KSR2: variants seen among roughly 807,000 people sequenced by gnomAD.
KSR2 encodes the protein kinase suppressor of ras 2.
Under a neutral mutation model 107.8 loss-of-function variants are expected in KSR2, and 25 were observed. That is an observed-to-expected ratio of 0.23 (90% CI 0.17 to 0.32). The LOEUF is 0.32. KSR2 is among the 10% of genes least tolerant of loss of function. The probability of loss-of-function intolerance (pLI) is 1.00; values close to 1 mark genes in which losing one functional copy is unlikely to be tolerated. For synonymous variants in KSR2, 480 were observed against 507.0 expected (o/e 0.95, Z 0.71); for missense variants, 887 against 1,268.9 (o/e 0.70, Z 4.57).
chr12:117,877,046 A>C lies in KSR2; in HGVS notation c.181-16615T>G, dbSNP rs571074436. Among the ~76,000 whole-genome samples the C allele has an allele frequency of 7.9e-5, 12 of 152,250 alleles. No individual in the cohort carries two copies. In the South Asian group the frequency reaches 2.5e-3, roughly 32 times the overall value. ...GTTTGTGTTAAGTTTTTATGTGTGG[A>C]ATTTTCCACTTGTGATGTCATGCCA... On this transcript the variant is annotated intron_variant, in intron 1 of 19. Coordinates refer to ENST00000339824, the MANE Select transcript of KSR2 (RefSeq NM_173598.6).
At chr12:117,893,017 A>ATTTT (rs1158068448) in intron 1 of KSR2, among the ~76,000 whole-genome samples, 1 of 136,840 alleles carries the variant, frequency 7.3e-6, no homozygotes, top group Non-Finnish European at 1.6e-5. Context: ...ACCCTGTGTA[A>ATTTT]TTTTTTTTTT....
intron 14 of KSR2, among the ~76,000 whole-genome samples, chr12:117,509,343 T>C (rs1021632460): frequency 6.6e-6 from 1 of 151,974 alleles, no homozygotes; most frequent in African/African-American, 2.4e-5. Context: ...AACAGCACCG[T>C]GTTTTCCCCT....
chr12:117,500,004 C>G (rs1282860784), intron 14 of KSR2, among the ~76,000 whole-genome samples: 1 of 152,080 alleles, frequency 6.6e-6, no homozygotes, highest in Non-Finnish European at 1.5e-5. Flanking sequence ...AACCCTGGAT[C>G]TGTTGGTCAG....
At chr12:117,856,894 A>C (rs929340229) in intron 2 of KSR2, among the ~76,000 whole-genome samples, 3 of 152,190 alleles carry the variant, frequency 2.0e-5, no homozygotes, top group Non-Finnish European at 2.9e-5. Context: ...AGTACAAAAA[A>C]TTATCTTCAA....
chr12:117,805,540 C>T (rs1474074106), intron 3 of KSR2, among the ~76,000 whole-genome samples: 3 of 152,222 alleles, frequency 2.0e-5, no homozygotes, highest in Non-Finnish European at 4.4e-5. Flanking sequence ...TCAAAAGAGC[C>T]TGGTACCCAA....
At chr12:117,908,302 T>C (rs1169783682) in intron 1 of KSR2, among the ~76,000 whole-genome samples, 1 of 152,064 alleles carries the variant, frequency 6.6e-6, no homozygotes, top group Non-Finnish European at 1.5e-5. Context: ...CGAGTTTGGC[T>C]TTCTTCTGGA....
chr12:117,663,252 A>G (rs1355589336), intron 5 of KSR2, among the ~76,000 whole-genome samples: 3 of 152,212 alleles, frequency 2.0e-5, no homozygotes, highest in Non-Finnish European at 4.4e-5. Flanking sequence ...GGAGGATTCA[A>G]AAGGATGGCA....
intron 4 of KSR2, among the ~76,000 whole-genome samples, chr12:117,747,615 T>TA (rs1371833091): frequency 1.3e-4 from 19 of 151,896 alleles, no homozygotes; most frequent in African/African-American, 4.6e-4. Context: ...TAAAATAAAA[T>TA]AATTAATTAA....
intron 4 of KSR2, among the ~76,000 whole-genome samples, chr12:117,758,681 T>C (rs545899268): frequency 1.3e-5 from 2 of 152,320 alleles, no homozygotes; most frequent in South Asian, 4.1e-4. Context: ...CATTCAACCC[T>C]ATCCAGGCAG....
At chr12:117,888,422 G>C (rs1566068251) in intron 1 of KSR2, among the ~76,000 whole-genome samples, 1 of 152,272 alleles carries the variant, frequency 6.6e-6, no homozygotes, top group South Asian at 2.1e-4. Flanking sequence ...GATTAGGAGT[G>C]GGAGTGATGG....
chr12:117,793,533 G>GCACTCACGCCAACATGCA (rs2136986414), intron 3 of KSR2, among the ~76,000 whole-genome samples: 1 of 124,572 alleles, frequency 8.0e-6, no homozygotes, highest in Admixed American at 8.3e-5. Flanking sequence ...ACACCAACGT[G>GCACTCACGCCAACATGCA]CACTCACGCC....
At chr12:117,647,234 C>T (rs1375495642) in intron 5 of KSR2, among the ~76,000 whole-genome samples, 1 of 152,150 alleles carries the variant, frequency 6.6e-6, no homozygotes, top group African/African-American at 2.4e-5. Flanking sequence ...AAGCTAAGTG[C>T]CCACCTCCGC....
intron 14 of KSR2, among the ~76,000 whole-genome samples, chr12:117,496,001 C>T (rs566381698): frequency 6.7e-6 from 1 of 149,106 alleles, no homozygotes; most frequent in South Asian, 2.1e-4. Context: ...TTGCAGTGAG[C>T]CGAGATTGCA....
rs1892538580 is a variant in KSR2 at position 117,842,710 on chromosome 12, T to C, written c.472+12718A>G. Among the ~76,000 whole-genome samples the C allele has an allele frequency of 6.6e-6, 1 of 152,150 alleles. No homozygotes were observed. The highest frequency in any genetic ancestry group is 1.5e-5 in the Non-Finnish European group (1 of 68,024). ...CAGCCAGAGAGTCGGGTTCTCTTTG[T>C]TCTCATTGGGGGGGTTCCACAAAAG... On this transcript the variant is annotated intron_variant, in intron 3 of 19. Transcript: ENST00000339824. The surrounding 1 kb of genome is among the most constrained non-coding windows in gnomAD (Gnocchi z 4.2).
chr12:117,879,383 C>A (rs796874909), intron 1 of KSR2, among the ~76,000 whole-genome samples: 4 of 152,132 alleles, frequency 2.6e-5, no homozygotes, highest in African/African-American at 9.6e-5. Flanking sequence ...AATTTATGTA[C>A]AATATTATTA....
chr12:117,777,085 A>ATT (rs1279734824), intron 3 of KSR2, among the ~76,000 whole-genome samples: 41 of 94,488 alleles, frequency 4.3e-4, no homozygotes, highest in African/African-American at 2.6e-3. Flanking sequence ...TAATATATAT[A>ATT]TTTTATATAT....
At chr12:117,717,712 T>TGCGCGCGC (rs1555231272) in intron 4 of KSR2, among the ~76,000 whole-genome samples, 4 of 137,060 alleles carry the variant, frequency 2.9e-5, no homozygotes, top group African/African-American at 1.0e-4. Context: ...TGTGTGTGTG[T>TGCGCGCGC]GCATGCGCGC....
intron 4 of KSR2, among the ~76,000 whole-genome samples, chr12:117,669,179 A>G (rs1884796727): frequency 6.6e-6 from 1 of 152,216 alleles, no homozygotes; most frequent in Non-Finnish European, 1.5e-5. Flanking sequence ...TGTCTCTTAC[A>G]CAGAATCATA....
At chr12:117,614,741 C>G (rs575272834) in intron 5 of KSR2, among the ~76,000 whole-genome samples, 1 of 152,134 alleles carries the variant, frequency 6.6e-6, no homozygotes, top group Non-Finnish European at 1.5e-5. Context: ...TTTTAATTTA[C>G]GCCTGTGAAA....
Sources: gnomAD v4.1 joint callset for allele counts (sites outside exome capture counted in the v4.1 genomes callset) on GRCh38, gnomAD v4.1.1 for gene constraint, Gnocchi (gnomAD v3.1) non-coding constraint, MANE v1.5 for transcripts, NCBI Gene and HGNC (gene_info 2026-07-23, HGNC 2026-07-21) for gene names.